The following SMG6 variants were observed in gnomAD, a reference collection of about 807,000 sequenced individuals.
The protein encoded by SMG6 is SMG6 nonsense mediated mRNA decay factor.
In SMG6, 66 loss-of-function variants were observed where a neutral mutation model predicts 142.2. The ratio of observed to expected loss-of-function variants is 0.46; its 90% CI spans 0.38 to 0.57. SMG6 has a LOEUF of 0.57. Ranked by LOEUF, SMG6 falls within the 20% of genes least tolerant of loss-of-function variation. The pLI is 0.00. For missense variants in SMG6, 1,793 were observed against 1,832.0 expected, an observed-to-expected ratio of 0.98 and a Z score of 0.39; for synonymous variants, 779 against 702.4, an observed-to-expected ratio of 1.11 and a Z score of -1.72.
chr17:2,197,048 A>T (rs2072352700), intron 10 of SMG6, among the ~76,000 whole-genome samples: 1 of 152,226 alleles, frequency 6.6e-6, no homozygotes, highest in Admixed American at 6.5e-5. Context: ...TTAGAAAAAA[A>T]TGGAAGAAAA....
At chr17:2,236,682 G>GTC (rs754647047) in intron 9 of SMG6, 45 bp from the exon 10 acceptor site, 3 of 1,497,826 alleles carry the variant, frequency 2.0e-6, no homozygotes, top group Non-Finnish European at 2.7e-6. Context: ...CTCTCTTTCA[G>GTC]TCTCTCTCTC....
intron 10 of SMG6, among the ~76,000 whole-genome samples, chr17:2,226,645 A>G (rs1295348642): frequency 6.6e-6 from 1 of 151,880 alleles, no homozygotes. Context: ...CTGTAATCCC[A>G]GCACTTTGGG....
In SMG6 at chr17:2,300,166, T is replaced by G. The variant is rs769465582; in HGVS notation, c.587A>C (p.Asp196Ala). Residue 196 changes from aspartate to alanine, a missense_variant, in exon 2 of 19, where the codon GAC becomes GCC. This residue lies in a region of SMG6 where 1,597 missense variants were observed against 1,584.6 expected (regional missense o/e 1.01). Coordinates refer to ENST00000263073, the MANE Select transcript of SMG6 (RefSeq NM_017575.5). ...VAKEEVANKP[D>A]RAEIEKSPGG... ...TGGGCTCTTTTCTATCTCAGCCCTG[T>G]CTGGTTTATTCGCAACTTCCTCCTT... The G allele has an allele frequency of 6.2e-7, 1 of 1,614,032 alleles. No homozygotes were observed. The highest frequency in any genetic ancestry group is 1.3e-5 in the African/African-American group (1 of 75,020).
At chr17:2,088,509 GGACAAGGACAA>G in intron 13 of SMG6, 5 of 985,380 alleles carry the variant, frequency 5.1e-6, no homozygotes, top group Non-Finnish European at 6.0e-6. Flanking sequence ...TCCTTCTCTA[GGACAAGGACAA>G]CTGCTGGCTG....
At chr17:2,166,494 G>GAC (rs1371437429) in intron 13 of SMG6, among the ~76,000 whole-genome samples, 15 of 152,248 alleles carry the variant, frequency 9.9e-5, no homozygotes, top group Admixed American at 2.6e-4. Flanking sequence ...GTCTTGCTCT[G>GAC]TCCCTCGGGC....
At chr17:2,290,442 T>G (rs1421894908) in intron 6 of SMG6, among the ~76,000 whole-genome samples, 1 of 152,204 alleles carries the variant, frequency 6.6e-6, no homozygotes, top group Non-Finnish European at 1.5e-5. Context: ...AGCCTTACAC[T>G]TTTCACAAAA....
intron 10 of SMG6, among the ~76,000 whole-genome samples, chr17:2,196,915 C>A (rs1174981786): frequency 6.6e-6 from 1 of 152,048 alleles, no homozygotes; most frequent in Non-Finnish European, 1.5e-5. Flanking sequence ...GGTACTGAAG[C>A]AATTAGACAT....
chr17:2,061,964 TG>T (rs1374715254), intron 18 of SMG6: 1 of 196,916 alleles, frequency 5.1e-6, no homozygotes, highest in Non-Finnish European at 1.1e-5. Context: ...ACCACATGGC[TG>T]GCCCCCAGAT....
intron 10 of SMG6, among the ~76,000 whole-genome samples, chr17:2,213,010 A>G (rs962696929): frequency 1.3e-5 from 2 of 152,256 alleles, no homozygotes; most frequent in Admixed American, 1.3e-4. Context: ...CATCTAAGCT[A>G]GCATGATGCT....
At chr17:2,162,374 C>T (rs1203179535) in intron 13 of SMG6, among the ~76,000 whole-genome samples, 1 of 151,798 alleles carries the variant, frequency 6.6e-6, no homozygotes, top group Non-Finnish European at 1.5e-5. Flanking sequence ...ATTAGCCAGG[C>T]GTGGTGGTGG....
intron 13 of SMG6, among the ~76,000 whole-genome samples, chr17:2,154,040 G>A (rs1474916663): frequency 4.1e-5 from 5 of 122,560 alleles, no homozygotes; most frequent in African/African-American, 6.4e-5. Flanking sequence ...GGTGACTGGG[G>A]AACCTGGGGA....
chr17:2,154,615 G>C (rs1235538183), intron 13 of SMG6, among the ~76,000 whole-genome samples: 4 of 152,170 alleles, frequency 2.6e-5, no homozygotes, highest in African/African-American at 9.7e-5. Context: ...AAAGAGCAAA[G>C]TGTATATTCA....
intron 13 of SMG6, among the ~76,000 whole-genome samples, chr17:2,110,081 CAAAAAAAAAAA>C (rs57135671): frequency 1.1e-5 from 1 of 87,916 alleles, no homozygotes; most frequent in Non-Finnish European, 3.0e-5. Flanking sequence ...GATTCCATCT[CAAAAAAAAAAA>C]AAAAAAAAAA....
intron 15 of SMG6, among the ~76,000 whole-genome samples, chr17:2,074,475 T>C (rs1323922401): frequency 6.6e-6 from 1 of 152,132 alleles, no homozygotes; most frequent in Non-Finnish European, 1.5e-5. Context: ...TCATTTGGGG[T>C]ACACTGCAAA....
chr17:2,272,929 CA>C (rs1264305762), intron 8 of SMG6, among the ~76,000 whole-genome samples: 1,380 of 134,756 alleles, frequency 0.01, 13 homozygotes, highest in Non-Finnish European at 0.015. Flanking sequence ...AACTCTGTCT[CA>C]AAAAAAAAAA....
chr17:2,248,571 G>T (rs370011473), intron 8 of SMG6, among the ~76,000 whole-genome samples: 22 of 152,200 alleles, frequency 1.4e-4, no homozygotes, highest in East Asian at 3.9e-4. Context: ...GCAAAAAGTC[G>T]ATTTCAATGC....
chr17:2,263,778 G>A (rs775841846), intron 8 of SMG6, among the ~76,000 whole-genome samples: 1 of 152,122 alleles, frequency 6.6e-6, no homozygotes, highest in African/African-American at 2.4e-5. Flanking sequence ...CAAACAGCCC[G>A]CAGACTGGGG....
chr17:2,087,735 A>T (rs2068604240), intron 13 of SMG6: 3 of 986,560 alleles, frequency 3.0e-6, no homozygotes, highest in African/African-American at 1.7e-5. Flanking sequence ...GCTAAAAGGC[A>T]TTAAAGAACA....
chr17:2,165,799 G>A (rs748283273), intron 13 of SMG6, among the ~76,000 whole-genome samples: 1 of 152,194 alleles, frequency 6.6e-6, no homozygotes, highest in African/African-American at 2.4e-5. Context: ...CAGCTACTCA[G>A]GAGGCTGAGG....
Sources: gnomAD v4.1 joint callset for allele counts (sites outside exome capture counted in the v4.1 genomes callset) on GRCh38, gnomAD v4.1.1 for gene constraint, gnomAD v4.1.1 regional missense constraint, MANE v1.5 for transcripts, NCBI Gene and HGNC (gene_info 2026-07-23, HGNC 2026-07-21) for gene names.